The following RNF168 variants were observed in gnomAD, a reference collection of about 807,000 sequenced individuals.
RNF168 encodes ring finger protein 168, also known as E3 ubiquitin-protein ligase RNF168.
In RNF168, 34 loss-of-function variants were observed where a neutral mutation model predicts 34.9. That is an observed-to-expected ratio of 0.97 (90% confidence interval 0.74 to 1.30). The LOEUF is 1.30. RNF168 is among the 50% of genes most tolerant of loss of function. The pLI, the probability that RNF168 is intolerant of heterozygous loss-of-function variation, is 0.00. For missense variants in RNF168, 725 were observed against 682.5 expected, an observed-to-expected ratio of 1.06 and a Z score of -0.69; for synonymous variants, 264 against 254.7, an observed-to-expected ratio of 1.04 and a Z score of -0.35.
At chr3:196,478,560 A>G (rs530460936) in intron 4 of RNF168, among the ~76,000 whole-genome samples, 3 of 152,316 alleles carry the variant, frequency 2.0e-5, no homozygotes, top group South Asian at 2.1e-4. Context: ...CCTTTGCTCA[A>G]TTAAACTCTG....
Position 196,471,507 on chromosome 3 carries a change from A to G in RNF168, c.*312T>C, listed in dbSNP as rs914802066. 11 of 331,250 alleles carry G rather than the reference A, an allele frequency of 3.3e-5. No homozygotes were observed. Among genetic ancestry groups the G allele is most frequent in the Non-Finnish European group, 6.3e-5 (11 of 175,088 alleles). The allele number at this position is 331,250 out of a possible 1,614,324, so 20.5% of individuals were successfully genotyped here. On this transcript the variant is annotated 3_prime_UTR_variant, in exon 6 of 6. Transcript: ENST00000318037. ...AAAAGGTGAGCAAAGGCCATAAAAC[A>G]TGCAGTTTTTGGAAAGACAATGGCA...
chr3:196,495,714 T>C (rs1342727869), intron 1 of RNF168, among the ~76,000 whole-genome samples: 1 of 152,200 alleles, frequency 6.6e-6, no homozygotes, highest in African/African-American at 2.4e-5. Flanking sequence ...ATAAGCAATC[T>C]GTAAGATGAT....
intron 1 of RNF168, among the ~76,000 whole-genome samples, chr3:196,492,992 A>C (rs919617762): frequency 4.6e-5 from 7 of 152,148 alleles, no homozygotes; most frequent in African/African-American, 1.4e-4. Context: ...GAAAAAAACA[A>C]AACTATAAAC....
In RNF168 at chr3:196,472,666, G is replaced by C; in HGVS notation, c.869C>G (p.Ala290Gly). 2 of 1,606,054 alleles carry C rather than the reference G, an allele frequency of 1.2e-6. No homozygotes were observed. The highest frequency in any genetic ancestry group is 1.7e-6 in the Non-Finnish European group (2 of 1,173,238). Reference protein sequence around the residue: ...QISLGVGEQGADSSIESPMPW... With the variant: ...QISLGVGEQGGDSSIESPMPW... Reference sequence around the variant, plus strand: ...CATAGGGGACTCTATTGAAGAATCTGCACCTTGTTCTCCAACTCCAAGGGA... The same window carrying C: ...CATAGGGGACTCTATTGAAGAATCTCCACCTTGTTCTCCAACTCCAAGGGA... Residue 290 changes from alanine (A) to glycine (G), a missense_variant, in exon 6 of 6, where the codon GCA becomes GGA. By Grantham distance (60) the Ala-to-Gly change is moderately conservative. Transcript: ENST00000318037.
chr3:196,502,916 C>T lies in RNF168; in HGVS notation c.258G>A (p.Arg86=), dbSNP rs759679308. Residue 86 remains arginine, a synonymous_variant, in exon 1 of 6, where the codon AGG becomes AGA. Coordinates refer to ENST00000318037, the MANE Select transcript of RNF168 (RefSeq NM_152617.4). The part of the protein sequence containing the change: ...LWTIIQKHYP[R]ECKLRASGQE... ...GGCCAGACGCTCTAAGCTTGCACTC[C>T]CTGGGATAGTGTTTTTGAATTATCG... 6 of 1,614,094 alleles carry T rather than the reference C, an allele frequency of 3.7e-6. No individual in the cohort carries two copies. In the East Asian group the frequency reaches 1.3e-4, roughly 36 times the overall value.
rs1732117529 is a variant in RNF168, at chr3:196,475,294, A to C, written c.699T>G (p.Ser233=). The C allele has an allele frequency of 6.2e-7, 1 of 1,609,400 alleles. No homozygotes were observed. Among genetic ancestry groups the C allele is most frequent in the Admixed American group, 1.7e-5 (1 of 59,996 alleles). ...GDIQKYLTPK[S]QFGSASHSEA... The stretch of plus-strand genomic sequence containing the variant: ...CAGAGTGTGAGGCTGACCCAAACTG[A>C]GATTTCGGTGTCAAATACCTAAAAG... Residue 233 remains serine (S), a synonymous_variant, in exon 5 of 6, where the codon TCT becomes TCG. Transcript: ENST00000318037.
At chr3:196,484,473 C>CTTTTT (rs377178675) in intron 3 of RNF168, among the ~76,000 whole-genome samples, 2 of 97,432 alleles carry the variant, frequency 2.1e-5, no homozygotes, top group Non-Finnish European at 2.0e-5. Flanking sequence ...CGCGCCCGGC[C>CTTTTT]TTTTTTTTTT....
At chr3:196,499,045 G>C (rs1055760280) in intron 1 of RNF168, among the ~76,000 whole-genome samples, 18 of 151,442 alleles carry the variant, frequency 1.2e-4, no homozygotes, top group African/African-American at 4.4e-4. Context: ...CCCCCCAAAA[G>C]ATATGCTTAA....
chr3:196,497,288 C>T (rs547831381), intron 1 of RNF168, among the ~76,000 whole-genome samples: 2 of 152,152 alleles, frequency 1.3e-5, no homozygotes, highest in South Asian at 4.2e-4. Flanking sequence ...ACAGAAATAA[C>T]TGATACCCAT....
intron 4 of RNF168, among the ~76,000 whole-genome samples, chr3:196,478,258 C>T (rs191760830): frequency 4.6e-5 from 7 of 152,204 alleles, no homozygotes. Context: ...TTAAGTTCAG[C>T]CCAAAGATTT....
At position 196,470,488 on chromosome 3, in the gene RNF168, C is replaced by T. The variant is rs1273067020; in HGVS notation, c.*1331G>A. The T allele has an allele frequency of 6.7e-6, 1 of 148,354 alleles. No individual in the cohort carries two copies. The highest frequency in any genetic ancestry group is 2.5e-5 in the African/African-American group (1 of 39,536). 9.2% of individuals were successfully genotyped at this position (148,354 alleles called of 1,614,324 possible). On this transcript the variant is annotated 3_prime_UTR_variant, in exon 6 of 6. Coordinates refer to ENST00000318037, the MANE Select transcript of RNF168 (RefSeq NM_152617.4). Reference sequence around the variant, plus strand: ...ATCTGGACCCGTTTCTGACCAACCACCCAATCAGTTTCAATGATCCAGACT... The same window carrying T: ...ATCTGGACCCGTTTCTGACCAACCATCCAATCAGTTTCAATGATCCAGACT...
Position 196,503,404 on chromosome 3 carries a change from C to T in RNF168, c.-231G>A. ...GCGGCGTCTTTGTCCATTTTCAAGGCAAACGTCCCGCCAGCAAATAAATGC... is the reference window on the plus strand; with the variant it reads ...GCGGCGTCTTTGTCCATTTTCAAGGTAAACGTCCCGCCAGCAAATAAATGC... On this transcript the variant is annotated 5_prime_UTR_variant, in exon 1 of 6. Transcript: ENST00000318037. 1 of 566,986 alleles carries T rather than the reference C, an allele frequency of 1.8e-6. No individual in the cohort carries two copies. Among genetic ancestry groups the T allele is most frequent in the South Asian group, 2.0e-5 (1 of 49,564 alleles). The allele number at this position is 566,986 out of a possible 1,614,324, so 35.1% of individuals were successfully genotyped here. A position where few individuals can be genotyped will look rare whatever the true frequency, so the allele number is the denominator to read the frequency against.
chr3:196,500,989 G>A (rs1030286093), intron 1 of RNF168, among the ~76,000 whole-genome samples: 95 of 152,354 alleles, frequency 6.2e-4, no homozygotes, highest in Non-Finnish European at 1.5e-4. Flanking sequence ...GGGATTACAG[G>A]CGTGAGCCGC....
At chr3:196,474,516 C>A (rs1264075048) in intron 5 of RNF168, among the ~76,000 whole-genome samples, 1 of 150,112 alleles carries the variant, frequency 6.7e-6, no homozygotes, top group Non-Finnish European at 1.5e-5. Flanking sequence ...GGCACGATCT[C>A]AGCTCACCGC....
At chr3:196,496,147 G>C (rs1165548638) in intron 1 of RNF168, among the ~76,000 whole-genome samples, 1 of 152,020 alleles carries the variant, frequency 6.6e-6, no homozygotes, top group African/African-American at 2.4e-5. Context: ...AGTCTCAAAA[G>C]CCATAATATA....
At chr3:196,495,430 T>A (rs976007811) in intron 1 of RNF168, among the ~76,000 whole-genome samples, 6 of 152,212 alleles carry the variant, frequency 3.9e-5, no homozygotes, top group African/African-American at 1.4e-4. Flanking sequence ...ATGCACTGCA[T>A]TTAGCTGTCA....
intron 1 of RNF168, among the ~76,000 whole-genome samples, chr3:196,494,024 T>G (rs1170164628): frequency 6.6e-6 from 1 of 151,830 alleles, no homozygotes; most frequent in Non-Finnish European, 1.5e-5. Flanking sequence ...GGCTAATTTT[T>G]GTATTTTTTG....
At chr3:196,498,485 C>T (rs1464011230) in intron 1 of RNF168, among the ~76,000 whole-genome samples, 1 of 151,968 alleles carries the variant, frequency 6.6e-6, no homozygotes, top group Admixed American at 6.6e-5. Context: ...TTGCGTAATT[C>T]CAGCTCCTAA....
At chr3:196,487,644 A>C in intron 2 of RNF168, 66 bp from the exon 3 acceptor site, 1 of 1,426,056 alleles carries the variant, frequency 7.0e-7, no homozygotes, top group Non-Finnish European at 9.9e-7. Context: ...ATATTTCATA[A>C]CAAGAATAGA....
Sources: gnomAD v4.1 joint callset for allele counts (sites outside exome capture counted in the v4.1 genomes callset) on GRCh38, gnomAD v4.1.1 for gene constraint, MANE v1.5 for transcripts, NCBI Gene and HGNC (gene_info 2026-07-23, HGNC 2026-07-21) for gene names.